The following PRDM5 variants were observed in gnomAD, a reference collection of about 807,000 sequenced individuals.
The protein encoded by PRDM5 is PR/SET domain 5, also known as PR domain zinc finger protein 5.
PRDM5 carries 56 observed loss-of-function variants against 81.2 expected under a neutral mutation model. The observed-to-expected ratio is 0.69, with a 90% CI of 0.56 to 0.86. The LOEUF (loss-of-function observed/expected upper bound fraction) is 0.86, where lower values mean the gene tolerates loss of function less well. Among genes scored for constraint, PRDM5 ranks in the 40% least tolerant of loss-of-function variants. The pLI is 0.00. For missense variants in PRDM5, 697 were observed against 770.1 expected (o/e 0.91, Z 1.12); for synonymous variants, 267 against 256.4 (o/e 1.04, Z -0.39).
chr4:120,755,405 C>G (rs1283928497), intron 13 of PRDM5, among the ~76,000 whole-genome samples: 1 of 152,194 alleles, frequency 6.6e-6, no homozygotes, highest in African/African-American at 2.4e-5. Context: ...TTGATTTATT[C>G]TTTCATTTAA....
intron 9 of PRDM5, 120 bp downstream of exon 9, chr4:120,799,539 TAA>T: frequency 1.4e-6 from 2 of 1,441,804 alleles, no homozygotes; most frequent in Non-Finnish European, 1.9e-6. Context: ...ACATGACTAC[TAA>T]AGGTCCAAAG....
intron 3 of PRDM5, chr4:120,839,296 T>C (rs923300576): frequency 1.4e-5 from 10 of 702,714 alleles, no homozygotes; most frequent in Non-Finnish European, 2.6e-5. Context: ...AAAAATGAGG[T>C]ATACAAACAA....
chr4:120,710,238 CAT>C (rs990385762), intron 15 of PRDM5, 69 bp downstream of exon 15: 34 of 1,190,328 alleles, frequency 2.9e-5, no homozygotes, highest in Non-Finnish European at 3.7e-5. Context: ...CACACACACA[CAT>C]ACACACACAC....
At chr4:120,846,220 GA>G (rs1218410542) in intron 3 of PRDM5, among the ~76,000 whole-genome samples, 1 of 152,210 alleles carries the variant, frequency 6.6e-6, no homozygotes, top group African/African-American at 2.4e-5. Context: ...CAGGGTTTGA[GA>G]AGACTGACTC....
Position 120,752,192 on chromosome 4 carries a change from G to T in PRDM5, c.1623+2361C>A, listed in dbSNP as rs1744102069. ...TTGATTGTACTAGCTGATAACCTTA[G>T]TAGGCTTTTGAAAATTTGAACTAAT... On this transcript the variant is annotated intron_variant, in intron 14 of 15. Transcript: ENST00000264808. Among the ~76,000 whole-genome samples the T allele has an allele frequency of 2.6e-5, 4 of 152,082 alleles. No individual in the cohort carries two copies. In the South Asian group the frequency reaches 8.3e-4, roughly 32 times the overall value.
chr4:120,803,367 T>C (rs1168150658), intron 8 of PRDM5, among the ~76,000 whole-genome samples: 1 of 152,030 alleles, frequency 6.6e-6, no homozygotes, highest in Non-Finnish European at 1.5e-5. Context: ...ACCACAAAGA[T>C]ACTCCTCAAG....
intron 1 of PRDM5, among the ~76,000 whole-genome samples, chr4:120,685,739 TA>T (rs1733807834): frequency 6.6e-6 from 1 of 152,110 alleles, no homozygotes; most frequent in Non-Finnish European, 1.5e-5. Flanking sequence ...CTGTTTTGTT[TA>T]AAAAAATTGA....
At position 120,801,935 on chromosome 4, in the gene PRDM5, G is replaced by A. The variant is rs904449413; in HGVS notation, c.946-2190C>T. ...ACTCTAAAGAGATGTCATACCTTCT[G>A]AGTTATACATAAATGAAAACTTTTG... On this transcript the variant is annotated intron_variant, in intron 8 of 15. Transcript: ENST00000264808. 7.2e-5 allele frequency among the ~76,000 whole-genome samples: 11 copies of A among 151,996 alleles called. No homozygotes were observed. In the East Asian group the frequency reaches 1.2e-3, roughly 16 times the overall value.
intron 12 of PRDM5, among the ~76,000 whole-genome samples, chr4:120,777,840 C>T (rs1253805014): frequency 2.0e-5 from 3 of 152,116 alleles, no homozygotes; most frequent in Non-Finnish European, 4.4e-5. Context: ...CTGCCCTCAA[C>T]ATGCCTTTAA....
At chr4:120,854,964 G>C (rs185793097) in intron 2 of PRDM5, among the ~76,000 whole-genome samples, 4 of 152,284 alleles carry the variant, frequency 2.6e-5, no homozygotes, top group Admixed American at 6.5e-5. Flanking sequence ...GGCTGGAACA[G>C]AAGGAGCAAC....
At chr4:120,748,625 A>C (rs1270223018) in intron 14 of PRDM5, among the ~76,000 whole-genome samples, 4 of 151,198 alleles carry the variant, frequency 2.6e-5, no homozygotes, top group Admixed American at 2.6e-4. Context: ...TGGGCAGCAG[A>C]GCAAGACCCT....
intron 2 of PRDM5, among the ~76,000 whole-genome samples, chr4:120,899,224 C>A (rs1163319746): frequency 1.3e-5 from 2 of 152,110 alleles, no homozygotes; most frequent in Non-Finnish European, 2.9e-5. Flanking sequence ...TTTCCTGTGC[C>A]CATCCCCATG....
chr4:120,905,835 T>TA (rs1479847689), intron 2 of PRDM5, among the ~76,000 whole-genome samples: 1 of 152,176 alleles, frequency 6.6e-6, no homozygotes, highest in African/African-American at 2.4e-5. Context: ...TCTCAGCTCT[T>TA]ACCCTTCTCA....
At chr4:120,766,749 C>A (rs1746445431) in intron 13 of PRDM5, among the ~76,000 whole-genome samples, 1 of 152,148 alleles carries the variant, frequency 6.6e-6, no homozygotes, top group African/African-American at 2.4e-5. Flanking sequence ...CAAATCATTG[C>A]ACTTTGCTTG....
intron 1 of PRDM5, among the ~76,000 whole-genome samples, chr4:120,914,331 A>T (rs1723850098): frequency 6.6e-6 from 1 of 152,196 alleles, no homozygotes; most frequent in Non-Finnish European, 1.5e-5. Flanking sequence ...AAAATATGAT[A>T]TTTAGAATCA....
At chr4:120,741,370 T>G (rs180728794) in intron 14 of PRDM5, among the ~76,000 whole-genome samples, 1 of 151,952 alleles carries the variant, frequency 6.6e-6, no homozygotes, top group Non-Finnish European at 1.5e-5. Context: ...CTCACTCACA[T>G]GGTTCATCAG....
At chr4:120,799,471 G>A (rs1245780680) in intron 9 of PRDM5, among the ~76,000 whole-genome samples, 190 bp downstream of exon 9, 2 of 152,080 alleles carry the variant, frequency 1.3e-5, no homozygotes, top group Non-Finnish European at 2.9e-5. Flanking sequence ...TTTACTCTAA[G>A]CACCTTTGCT....
Position 120,692,930 on chromosome 4 carries a change from A to G in PRDM5, c.*2181T>C, listed in dbSNP as rs531517183. ...AATGCTAATATATCTGAAACTACCCATGAATACTTGTCTTTTGGATAAAAA... is the reference window on the plus strand; with the variant it reads ...AATGCTAATATATCTGAAACTACCCGTGAATACTTGTCTTTTGGATAAAAA... On this transcript the variant is annotated 3_prime_UTR_variant, in exon 16 of 16. Transcript: ENST00000264808. 2.0e-5 allele frequency: 3 copies of G among 152,214 alleles called. No homozygotes were observed. The highest frequency in any genetic ancestry group is 2.0e-4 in the Admixed American group (3 of 15,254). 9.4% of individuals were successfully genotyped at this position (152,214 alleles called of 1,614,324 possible).
intron 1 of PRDM5, among the ~76,000 whole-genome samples, chr4:120,912,191 T>C (rs912661915): frequency 2.6e-5 from 4 of 152,162 alleles, no homozygotes; most frequent in African/African-American, 9.7e-5. Flanking sequence ...GCTCACAGAT[T>C]ACTTGCTAAG....
Sources: gnomAD v4.1 joint callset for allele counts (sites outside exome capture counted in the v4.1 genomes callset) on GRCh38, gnomAD v4.1.1 for gene constraint, MANE v1.5 for transcripts, NCBI Gene and HGNC (gene_info 2026-07-23, HGNC 2026-07-21) for gene names.